The following SLC35D4 variants were observed in gnomAD, a reference collection of about 807,000 sequenced individuals.
SLC35D4 encodes the protein UDP-N-acetylglucosamine transporter SLC35D4.
the SLC35D4 span, among the ~76,000 whole-genome samples, chr18:23,381,391 G>A: frequency 6.6e-6 from 1 of 152,176 alleles, no homozygotes; most frequent in Non-Finnish European, 1.5e-5. Flanking sequence ...TCAGGCTGAG[G>A]TGCAGTGGCA....
At chr18:23,246,606 T>A in the SLC35D4 span, among the ~76,000 whole-genome samples, 51 of 151,932 alleles carry the variant, frequency 3.4e-4, no homozygotes, top group South Asian at 1.7e-3. Flanking sequence ...TTAGCCAGGA[T>A]GGTCTCGATC....
the SLC35D4 span, among the ~76,000 whole-genome samples, chr18:23,372,090 T>G: frequency 2.0e-5 from 3 of 147,930 alleles, no homozygotes; most frequent in South Asian, 6.7e-4. Context: ...CGCCCGCCAC[T>G]ACGCCCGGCT....
At chr18:23,402,854 C>T in the SLC35D4 span, among the ~76,000 whole-genome samples, 1 of 152,064 alleles carries the variant, frequency 6.6e-6, no homozygotes, top group East Asian at 1.9e-4. Flanking sequence ...CGCCTGTAAT[C>T]CCAGCACTTT....
the SLC35D4 span, among the ~76,000 whole-genome samples, chr18:23,272,319 C>A: frequency 6.6e-6 from 1 of 152,246 alleles, no homozygotes; most frequent in African/African-American, 2.4e-5. Context: ...GTCTCTTCCA[C>A]CTGTAGTCCC....
At chr18:23,284,229 G>C in the SLC35D4 span, among the ~76,000 whole-genome samples, 1 of 152,056 alleles carries the variant, frequency 6.6e-6, no homozygotes, top group Non-Finnish European at 1.5e-5. Context: ...CTGCCCTCCT[G>C]ACTCATCCTG....
At chr18:23,363,006 T>C in the SLC35D4 span, among the ~76,000 whole-genome samples, 1 of 151,816 alleles carries the variant, frequency 6.6e-6, no homozygotes, top group East Asian at 1.9e-4. Flanking sequence ...TTTGGGAGGA[T>C]GAGGTGGGCA....
At chr18:23,246,610 C>A in the SLC35D4 span, among the ~76,000 whole-genome samples, 2 of 151,742 alleles carry the variant, frequency 1.3e-5, no homozygotes, top group Non-Finnish European at 2.9e-5. Flanking sequence ...CCAGGATGGT[C>A]TCGATCTCCT....
the SLC35D4 span, chr18:23,352,181 C>T: frequency 6.3e-7 from 1 of 1,591,294 alleles, no homozygotes; most frequent in Non-Finnish European, 8.5e-7. Context: ...ATTTCCCACC[C>T]CTCTTGTCTC....
chr18:23,251,040 C>T, the SLC35D4 span, among the ~76,000 whole-genome samples: 1 of 152,246 alleles, frequency 6.6e-6, no homozygotes, highest in East Asian at 1.9e-4. Flanking sequence ...AAGCCACCAA[C>T]TTCCATTAGA....
At chr18:23,275,038 TTGTG>T in the SLC35D4 span, among the ~76,000 whole-genome samples, 86 of 26,002 alleles carry the variant, frequency 3.3e-3, no homozygotes, top group African/African-American at 0.023. Flanking sequence ...TGCTTGTATT[TTGTG>T]TGTGAGTGTG....
the SLC35D4 span, among the ~76,000 whole-genome samples, chr18:23,306,598 G>A: frequency 4.6e-5 from 7 of 152,168 alleles, no homozygotes; most frequent in Non-Finnish European, 8.8e-5. Context: ...GAGCCACTGC[G>A]CCCAGCTAAA....
At chr18:23,427,689 A>G in the SLC35D4 span, among the ~76,000 whole-genome samples, 1 of 152,258 alleles carries the variant, frequency 6.6e-6, no homozygotes, top group Admixed American at 6.5e-5. Flanking sequence ...AAAGGATTAT[A>G]AATCACGCTG....
At chr18:23,312,899 G>A in the SLC35D4 span, among the ~76,000 whole-genome samples, 32 of 152,006 alleles carry the variant, frequency 2.1e-4, no homozygotes, top group Admixed American at 5.9e-4. Context: ...AGGCCAAGAC[G>A]GGCGGATCAC....
chr18:23,276,201 C>T, the SLC35D4 span, among the ~76,000 whole-genome samples: 1 of 152,108 alleles, frequency 6.6e-6, no homozygotes, highest in South Asian at 2.1e-4. Context: ...CATTCTCCTG[C>T]CTCAGCCTCC....
the SLC35D4 span, among the ~76,000 whole-genome samples, chr18:23,247,181 C>G: frequency 6.6e-6 from 1 of 152,246 alleles, no homozygotes; most frequent in South Asian, 2.1e-4. Flanking sequence ...CATCTCTTGG[C>G]ATGGTTGGGA....
At chr18:23,250,261 C>A in the SLC35D4 span, among the ~76,000 whole-genome samples, 1 of 152,214 alleles carries the variant, frequency 6.6e-6, no homozygotes, top group Non-Finnish European at 1.5e-5. Flanking sequence ...AGCCTGCTCA[C>A]ATCATTGCAA....
the SLC35D4 span, among the ~76,000 whole-genome samples, chr18:23,262,648 T>G: frequency 6.6e-6 from 1 of 152,176 alleles, no homozygotes; most frequent in Non-Finnish European, 1.5e-5. Flanking sequence ...CAGATGAGCC[T>G]CAATGTGGAA....
chr18:23,414,327 AAGGAAGGC>A, the SLC35D4 span, among the ~76,000 whole-genome samples: 33 of 139,890 alleles, frequency 2.4e-4, no homozygotes, highest in African/African-American at 9.1e-4. Flanking sequence ...GGAAGGAAGG[AAGGAAGGC>A]AGGCAGGCAG....
the SLC35D4 span, among the ~76,000 whole-genome samples, chr18:23,416,905 G>A: frequency 2.0e-5 from 3 of 152,204 alleles, no homozygotes; most frequent in Admixed American, 1.3e-4. Flanking sequence ...GCAATCTTGA[G>A]AATCTTTGGC....
Sources: allele counts gnomAD v4.1 joint callset (sites outside exome capture counted in the v4.1 genomes callset), GRCh38; gene constraint gnomAD v4.1.1; transcripts MANE v1.5; gene names NCBI Gene and HGNC (gene_info 2026-07-23, HGNC 2026-07-21).